Variants in ZBED4 observed in about 807,000 individuals in gnomAD.
ZBED4 encodes the protein zinc finger BED-type containing 4.
ZBED4 carries 4 observed loss-of-function variants against 15.5 expected under a neutral mutation model. The observed-to-expected ratio is 0.26, with a 90% confidence interval of 0.13 to 0.59. ZBED4 has a LOEUF of 0.59. Among genes scored for constraint, ZBED4 ranks in the 20% least tolerant of loss-of-function variants. ZBED4 has a pLI of 0.90. For missense variants in ZBED4, 1,323 were observed against 1,461.8 expected (o/e 0.91, Z 1.55); for synonymous variants, 692 against 608.5 (o/e 1.14, Z -2.02).
rs141649123 is a variant in ZBED4, at chr22:49,872,554, T to C, written c.-329-10780T>C. Among the ~76,000 whole-genome samples the C allele has an allele frequency of 2.4e-4, 37 of 152,294 alleles. No individual in the cohort carries two copies. In the East Asian group the frequency reaches 6.4e-3, roughly 26 times the overall value. On this transcript the variant is annotated intron_variant, in intron 1 of 1. Coordinates refer to ENST00000216268, the MANE Select transcript of ZBED4 (RefSeq NM_014838.3). The stretch of plus-strand genomic sequence containing the variant: ...TTTGTTTTTGTTGTTTTTAGAGATA[T>C]GGTCTTGCTCTGTCACCAAGGCTAA...
At chr22:49,857,588 C>G (rs1055551727) in intron 1 of ZBED4, among the ~76,000 whole-genome samples, 2 of 152,144 alleles carry the variant, frequency 1.3e-5, no homozygotes, top group African/African-American at 4.8e-5. Context: ...CTTTGGGTTC[C>G]CCTTCTCAGT....
chr22:49,867,100 AT>A (rs2147514018), intron 1 of ZBED4, among the ~76,000 whole-genome samples: 1 of 152,216 alleles, frequency 6.6e-6, no homozygotes, highest in Non-Finnish European at 1.5e-5. Context: ...GGTGGGTTGT[AT>A]TTTTATTGTC....
chr22:49,864,839 A>AAAG (rs1555922729), intron 1 of ZBED4, among the ~76,000 whole-genome samples: 7,930 of 132,934 alleles, frequency 0.06, 1,393 homozygotes, highest in African/African-American at 0.26. Flanking sequence ...AAAAAAAAAA[A>AAAG]GCCCTGATTA....
At position 49,886,744 on chromosome 22, in the gene ZBED4, G is replaced by A. The variant is rs779563454; in HGVS notation, c.3082G>A (p.Asp1028Asn). The A allele has an allele frequency of 1.2e-6, 2 of 1,612,958 alleles. No homozygotes were observed. Among genetic ancestry groups the A allele is most frequent in the Non-Finnish European group, 1.7e-6 (2 of 1,179,550 alleles). ...GGAGGAGGCGGAGCAGTACAAACAG[G>A]ATTTAATCAGGGAACTCGAACTCAT... Reference protein sequence around the residue: ...TEEEAEQYKQDLIRELELMNS... With the variant: ...TEEEAEQYKQNLIRELELMNS... Residue 1028 changes from aspartate (D) to asparagine (N), a missense_variant, in exon 2 of 2, where the codon GAT becomes AAT. Asp to Asn is a conservative substitution (Grantham distance 23). This residue lies in a region of ZBED4 where 312 missense variants were observed against 410.7 expected (regional missense o/e 0.76). Coordinates refer to ENST00000216268, the MANE Select transcript of ZBED4 (RefSeq NM_014838.3). This position sits in a 1 kb window ranked among gnomAD's most constrained non-coding sequence, Gnocchi z 7.7.
At chr22:49,855,636 C>T (rs1358772212) in intron 1 of ZBED4, among the ~76,000 whole-genome samples, 1 of 152,130 alleles carries the variant, frequency 6.6e-6, no homozygotes, top group Admixed American at 6.5e-5. Context: ...GGAGTGGACT[C>T]CTGGCGGCAT....
rs1402807106 is a variant in ZBED4, at chr22:49,885,723, C to T, written c.2061C>T (p.Tyr687=). The change falls in exon 2 of 2, where the codon TAC becomes TAT. Residue 687 remains tyrosine, a synonymous_variant. Transcript: ENST00000216268. ...TTGGCTTTAACAGGCTGCTTGAATA[C>T]TTGAAACCTCAGTACTCCCTCCCCG... ...DNVGFNRLLE[Y]LKPQYSLPAP... The T allele has an allele frequency of 1.9e-6, 3 of 1,606,528 alleles. No individual in the cohort carries two copies. Among genetic ancestry groups the T allele is most frequent in the Admixed American group, 3.4e-5 (2 of 59,550 alleles).
intron 1 of ZBED4, among the ~76,000 whole-genome samples, chr22:49,864,466 C>G (rs1254703341): frequency 6.6e-6 from 1 of 152,154 alleles, no homozygotes; most frequent in Admixed American, 6.6e-5. Flanking sequence ...ACAGATGCTT[C>G]GCAACTCAGG....
chr22:49,856,256 C>T (rs2060274142), intron 1 of ZBED4, among the ~76,000 whole-genome samples: 1 of 152,226 alleles, frequency 6.6e-6, no homozygotes, highest in African/African-American at 2.4e-5. Flanking sequence ...TCTCTGCCTG[C>T]TGGGGCCATG....
In ZBED4 at chr22:49,885,395, T is replaced by C. The variant is rs200415861; in HGVS notation, c.1733T>C (p.Val578Ala). 2.2e-5 allele frequency: 35 copies of C among 1,597,854 alleles called. No individual in the cohort carries two copies. The highest frequency in any genetic ancestry group is 2.6e-5 in the Non-Finnish European group (30 of 1,168,716). Residue 578 changes from valine to alanine, a missense_variant, in exon 2 of 2, where the codon GTG becomes GCG. By Grantham distance (64) the Val-to-Ala change is moderately conservative (BLOSUM62 0). Around this residue, in one of 6 missense-constraint regions of ZBED4, gnomAD observed 429 missense variants for 397.9 expected, o/e 1.08. Transcript: ENST00000216268. Reference sequence around the variant, plus strand: ...TGCTCCGCAGACTCCACAAAAGTCGTGTGCTTGCACTGTGGCCGGACCATC... The same window carrying C: ...TGCTCCGCAGACTCCACAAAAGTCGCGTGCTTGCACTGTGGCCGGACCATC... ...SICSADSTKV[V>A]CLHCGRTISR...
chr22:49,867,950 C>G (rs868836322), intron 1 of ZBED4, among the ~76,000 whole-genome samples: 3 of 152,202 alleles, frequency 2.0e-5, no homozygotes, highest in Non-Finnish European at 2.9e-5. Flanking sequence ...TGTTGAATAT[C>G]TCATGTAAGA....
chr22:49,857,525 T>C (rs531686074), intron 1 of ZBED4, among the ~76,000 whole-genome samples: 1 of 152,360 alleles, frequency 6.6e-6, no homozygotes, highest in African/African-American at 2.4e-5. Context: ...ACAGAGCAGC[T>C]CTGACTCCGG....
At chr22:49,879,801 G>T (rs1208982295) in intron 1 of ZBED4, among the ~76,000 whole-genome samples, 5 of 9,222 alleles carry the variant, frequency 5.4e-4, no homozygotes, top group African/African-American at 5.1e-3. Context: ...CCTGGTCAGT[G>T]TCTGGGCGTG....
chr22:49,857,879 C>G (rs1305226846), intron 1 of ZBED4, among the ~76,000 whole-genome samples: 1 of 152,234 alleles, frequency 6.6e-6, no homozygotes, highest in African/African-American at 2.4e-5. Flanking sequence ...TCCTCAGTCT[C>G]CTGAGTAGCT....
rs2060450439 is a variant in ZBED4, at chr22:49,888,236, T to C, written c.*1058T>C. ...TCAGATGATTTTAAAAGTTATGTCT[T>C]CAGAGAAAAAAAGATTCATTTTCTC... On this transcript the variant is annotated 3_prime_UTR_variant, in exon 2 of 2. Coordinates refer to ENST00000216268, the MANE Select transcript of ZBED4 (RefSeq NM_014838.3). 1 of 167,042 alleles carries C rather than the reference T, an allele frequency of 6.0e-6. No individual in the cohort carries two copies. Among genetic ancestry groups the C allele is most frequent in the Non-Finnish European group, 1.5e-5 (1 of 68,116 alleles). 10.3% of individuals were successfully genotyped at this position (167,042 alleles called of 1,614,324 possible). A position where few individuals can be genotyped will look rare whatever the true frequency, so the allele number is the denominator to read the frequency against.
At chr22:49,853,591 CGCCG>C, upstream of ZBED4, among the ~76,000 whole-genome samples, 1 of 152,204 alleles carries the variant, frequency 6.6e-6, no homozygotes, top group Non-Finnish European at 1.5e-5. Flanking sequence ...CGCCCGCCAG[CGCCG>C]GAGCGCCCAC....
chr22:49,886,758 A>G lies in ZBED4; in HGVS notation c.3096A>G (p.Glu1032=). The change falls in exon 2 of 2, where the codon GAA becomes GAG. Residue 1032 remains glutamate, a synonymous_variant. Transcript: ENST00000216268. This position sits in a 1 kb window ranked among gnomAD's most constrained non-coding sequence, Gnocchi z 7.7. ...AEQYKQDLIR[E]LELMNSTSED... Reference sequence around the variant, plus strand: ...AGTACAAACAGGATTTAATCAGGGAACTCGAACTCATGAATTCTACCTCAG... The same window carrying G: ...AGTACAAACAGGATTTAATCAGGGAGCTCGAACTCATGAATTCTACCTCAG... The G allele has an allele frequency of 6.2e-7, 1 of 1,612,626 alleles. No homozygotes were observed. The highest frequency in any genetic ancestry group is 8.5e-7 in the Non-Finnish European group (1 of 1,179,384).
intron 1 of ZBED4, among the ~76,000 whole-genome samples, chr22:49,856,210 A>AGGCGGAGGGGAGCAGG (rs1382758628): frequency 6.6e-6 from 1 of 152,172 alleles, no homozygotes; most frequent in Non-Finnish European, 1.5e-5. Flanking sequence ...GCCATTTCTG[A>AGGCGGAGGGGAGCAGG]GGCGGAGGGG....
chr22:49,863,090 C>T (rs4574208), intron 1 of ZBED4, among the ~76,000 whole-genome samples: 97,944 of 152,050 alleles, frequency 0.64, 35,697 homozygotes, highest in East Asian at 0.85. Flanking sequence ...TGGACTCGTG[C>T]ATCTCACGGT....
Position 49,884,962 on chromosome 22 carries a change from G to A in ZBED4, c.1300G>A (p.Asp434Asn). 1 of 1,612,402 alleles carries A rather than the reference G, an allele frequency of 6.2e-7. No homozygotes were observed. Among genetic ancestry groups the A allele is most frequent in the Non-Finnish European group, 8.5e-7 (1 of 1,179,090 alleles). ...GTCCTCTCCTGAGAAGCAGCAGGCTGATGGGCTGAGTCCTAGATTGTTTGA... is the reference window on the plus strand; with the variant it reads ...GTCCTCTCCTGAGAAGCAGCAGGCTAATGGGCTGAGTCCTAGATTGTTTGA... ...SASSPEKQQADGLSPRLFESG... is the reference protein window; with the variant it reads ...SASSPEKQQANGLSPRLFESG... Residue 434 changes from aspartate to asparagine, a missense_variant, in exon 2 of 2, where the codon GAT (aspartate) becomes AAT (asparagine). This residue lies in a region of ZBED4 where 429 missense variants were observed against 397.9 expected (regional missense o/e 1.08). Coordinates refer to ENST00000216268, the MANE Select transcript of ZBED4 (RefSeq NM_014838.3).
Sources: gnomAD v4.1 joint callset for allele counts (sites outside exome capture counted in the v4.1 genomes callset) on GRCh38, gnomAD v4.1.1 for gene constraint, gnomAD v4.1.1 regional missense constraint, Gnocchi (gnomAD v3.1) non-coding constraint, MANE v1.5 for transcripts, NCBI Gene and HGNC (gene_info 2026-07-23, HGNC 2026-07-21) for gene names.